The following CSMD1 variants were observed in gnomAD, a reference collection of about 807,000 sequenced individuals.
CSMD1 encodes the protein CUB and Sushi multiple domains 1.
CSMD1 carries 213 observed loss-of-function variants against 417.5 expected under a neutral mutation model. That is an observed-to-expected ratio of 0.51 (90% confidence interval 0.46 to 0.57). CSMD1 has a LOEUF of 0.57. Among genes scored for constraint, CSMD1 ranks in the 20% least tolerant of loss-of-function variants. The pLI is 0.00. For missense variants in CSMD1, 6,923 were observed against 4,529.7 expected (o/e 1.53, Z -15.17); for synonymous variants, 2,862 against 1,736.8 (o/e 1.65, Z -16.11).
At position 2,935,374 on chromosome 8, in the gene CSMD1, T is replaced by G. The variant is rs1384699609; in HGVS notation, c.*3211A>C. 1 of 152,146 alleles carries G rather than the reference T, an allele frequency of 6.6e-6. No homozygotes were observed. Among genetic ancestry groups the G allele is most frequent in the Non-Finnish European group, 1.5e-5 (1 of 68,036 alleles). 9.4% of individuals were successfully genotyped at this position (152,146 alleles called of 1,614,324 possible). ...AAAATAGAAATCTAAAATTAAATAT[T>G]TAATTAGAACTCTGATTTGCTTTAA... On this transcript the variant is annotated 3_prime_UTR_variant, in exon 70 of 70. Transcript: ENST00000635120.
rs1817980296 is a variant in CSMD1, at chr8:3,485,554, G to GAGAGAGAC, written c.1448+8068_1448+8069insGTCTCTCT. On this transcript the variant is annotated intron_variant, in intron 11 of 69. Transcript: ENST00000635120. The stretch of plus-strand genomic sequence containing the variant: ...ACACACACACAGAGAGAGAGAGAGA[G>GAGAGAGAC]AGAGAGAGAGGGAGAGAGAGAAACA... Among the ~76,000 whole-genome samples the GAGAGAGAC allele has an allele frequency of 5.3e-5, 8 of 151,400 alleles. 1 individual carries two copies. The South Asian group carries it at 1.7e-3, about 32-fold the overall frequency.
chr8:3,111,923 C>T (rs1301842903), intron 42 of CSMD1, among the ~76,000 whole-genome samples: 1 of 152,102 alleles, frequency 6.6e-6, no homozygotes, highest in African/African-American at 2.4e-5. Context: ...TCCTCCCCTC[C>T]AGACGTCGAG....
At chr8:3,986,840 C>A (rs1814362083) in intron 5 of CSMD1, among the ~76,000 whole-genome samples, 1 of 152,086 alleles carries the variant, frequency 6.6e-6, no homozygotes, top group East Asian at 1.9e-4. Flanking sequence ...ACTGCAATCT[C>A]TGCTCCCAGG....
chr8:4,420,045 G>A lies in CSMD1; in HGVS notation c.323C>T (p.Pro108Leu). Residue 108 changes from proline (P) to leucine (L), a missense_variant, in exon 3 of 70, where the codon CCC becomes CTC. Pro to Leu is a moderately conservative substitution (Grantham distance 98, BLOSUM62 -3). Transcript: ENST00000635120. Reference protein sequence around the residue: ...LKVRLSGFQLPSSIVSTGSIL... With the variant: ...LKVRLSGFQLLSSIVSTGSIL... ...AGATCCTGTACTCACTATAGAGGAG[G>A]GCAGCTGAAATCCCGATAATCTAAA... 1 of 1,571,284 alleles carries A rather than the reference G, an allele frequency of 6.4e-7. No individual in the cohort carries two copies. The highest frequency in any genetic ancestry group is 8.6e-7 in the Non-Finnish European group (1 of 1,156,638).
intron 3 of CSMD1, among the ~76,000 whole-genome samples, chr8:4,143,784 G>A (rs1053846416): frequency 6.6e-6 from 1 of 151,232 alleles, no homozygotes; most frequent in African/African-American, 2.5e-5. Flanking sequence ...CAGGGTGGGA[G>A]GGGGCCCAAG....
chr8:3,128,768 G>A lies in CSMD1; in HGVS notation c.6242-10181C>T, dbSNP rs139021131. The stretch of plus-strand genomic sequence containing the variant: ...TATATCTCAGTGATAGGAAATTAAT[G>A]GCGTACAATAAAAAACATGTTGTTT... On this transcript the variant is annotated intron_variant, in intron 41 of 69. Coordinates refer to ENST00000635120, the MANE Select transcript of CSMD1 (RefSeq NM_033225.6). The A allele has an allele frequency of 2.7e-4, 112 of 415,940 alleles. No individual in the cohort carries two copies. The East Asian group carries it at 6.4e-3, about 24-fold the overall frequency. The allele number at this position is 415,940 out of a possible 1,614,324, so 25.8% of individuals were successfully genotyped here. A position where few individuals can be genotyped will look rare whatever the true frequency, so the allele number is the denominator to read the frequency against.
chr8:3,625,643 A>G (rs1452782447), intron 7 of CSMD1, among the ~76,000 whole-genome samples: 1 of 152,152 alleles, frequency 6.6e-6, no homozygotes, highest in African/African-American at 2.4e-5. Context: ...AAATATATAA[A>G]TGATACACTA....
intron 54 of CSMD1, among the ~76,000 whole-genome samples, chr8:2,995,873 G>A (rs1225536735): frequency 6.6e-6 from 1 of 152,176 alleles, no homozygotes; most frequent in Non-Finnish European, 1.5e-5. Flanking sequence ...GTGGAGACCA[G>A]GTTAATGGAT....
intron 3 of CSMD1, among the ~76,000 whole-genome samples, chr8:4,310,079 C>T (rs1266872922): frequency 1.3e-5 from 2 of 152,148 alleles, no homozygotes; most frequent in African/African-American, 4.8e-5. Flanking sequence ...ATGCTAAGGT[C>T]TGCAATTATC....
intron 9 of CSMD1, among the ~76,000 whole-genome samples, chr8:3,578,633 C>G (rs1322142405): frequency 6.6e-6 from 1 of 152,120 alleles, no homozygotes; most frequent in African/African-American, 2.4e-5. Context: ...AAGTTTATCA[C>G]CTGCCTCTCT....
At chr8:4,599,525 C>T (rs551476094) in intron 2 of CSMD1, among the ~76,000 whole-genome samples, 2 of 150,950 alleles carry the variant, frequency 1.3e-5, no homozygotes, top group Non-Finnish European at 2.9e-5. Flanking sequence ...TTTTTTTACA[C>T]TAAGTGCACA....
chr8:4,138,415 C>G (rs1803570586), intron 3 of CSMD1, among the ~76,000 whole-genome samples: 2 of 151,970 alleles, frequency 1.3e-5, no homozygotes, highest in South Asian at 4.1e-4. Flanking sequence ...GTTCTGAGCT[C>G]TCAGCCTCAA....
chr8:3,754,282 C>A (rs1797531704), intron 5 of CSMD1, among the ~76,000 whole-genome samples: 2 of 152,114 alleles, frequency 1.3e-5, no homozygotes, highest in African/African-American at 2.4e-5. Context: ...TACTTTCATT[C>A]TCCTTTATTA....
chr8:4,107,158 G>A (rs1377367862), intron 3 of CSMD1, among the ~76,000 whole-genome samples: 4 of 152,114 alleles, frequency 2.6e-5, no homozygotes, highest in Admixed American at 6.5e-5. Flanking sequence ...CACAATTCCA[G>A]TCAACTTCAG....
At chr8:4,662,365 T>C (rs1416400135) in intron 1 of CSMD1, among the ~76,000 whole-genome samples, 1 of 152,154 alleles carries the variant, frequency 6.6e-6, no homozygotes, top group Non-Finnish European at 1.5e-5. Flanking sequence ...GGAACATGCA[T>C]TGTTCCTGAA....
intron 12 of CSMD1, among the ~76,000 whole-genome samples, chr8:3,448,341 G>A (rs1020386637): frequency 5.5e-5 from 3 of 54,468 alleles, no homozygotes; most frequent in African/African-American, 2.5e-4. Context: ...GGGAGGGAGG[G>A]AGGGAGGAAG....
chr8:4,197,698 G>A (rs1286008684), intron 3 of CSMD1, among the ~76,000 whole-genome samples: 2 of 152,186 alleles, frequency 1.3e-5, no homozygotes, highest in Admixed American at 6.5e-5. Flanking sequence ...GGCCAACATA[G>A]TGAAGCTCTG....
intron 39 of CSMD1, 79 bp downstream of exon 39, chr8:3,157,818 T>C: frequency 1.7e-6 from 2 of 1,174,674 alleles, no homozygotes; most frequent in Non-Finnish European, 2.5e-6. Context: ...AGAAGTGCAT[T>C]CTTTGACCCC....
At chr8:3,337,232 C>A (rs1374857244) in intron 23 of CSMD1, among the ~76,000 whole-genome samples, 5 of 152,198 alleles carry the variant, frequency 3.3e-5, no homozygotes, top group Admixed American at 1.3e-4. Context: ...AGTCTAGAAC[C>A]TTTCAAAAGC....
Sources: gnomAD v4.1 joint callset for allele counts (sites outside exome capture counted in the v4.1 genomes callset) on GRCh38, gnomAD v4.1.1 for gene constraint, MANE v1.5 for transcripts, NCBI Gene and HGNC (gene_info 2026-07-23, HGNC 2026-07-21) for gene names.